Variants in CCDC85A observed in about 807,000 individuals in gnomAD.
The protein encoded by CCDC85A is coiled-coil domain containing 85A, also known as coiled-coil domain-containing protein 85A.
Under a neutral mutation model 50.2 loss-of-function variants are expected in CCDC85A, and 38 were observed. That is an observed-to-expected ratio of 0.76 (90% CI 0.58 to 0.99). The LOEUF is 0.99. Ranked by LOEUF, CCDC85A falls within the 50% of genes least tolerant of loss-of-function variation. The probability of loss-of-function intolerance (pLI) is 0.00; values close to 1 mark genes in which losing one functional copy is unlikely to be tolerated. For synonymous variants in CCDC85A, 366 were observed against 301.4 expected, an observed-to-expected ratio of 1.21 and a Z score of -2.22; for missense variants, 820 against 742.0, an observed-to-expected ratio of 1.11 and a Z score of -1.22.
At chr2:56,183,933 G>C (rs1297049720), upstream of CCDC85A, 13 of 985,296 alleles carry the variant, frequency 1.3e-5, no homozygotes, top group African/African-American at 1.7e-5. Context: ...GCTGCTGCGG[G>C]TTACGGGTGG....
At chr2:56,307,349 G>A (rs1672490496) in intron 2 of CCDC85A, among the ~76,000 whole-genome samples, 1 of 151,914 alleles carries the variant, frequency 6.6e-6, no homozygotes, top group Admixed American at 6.6e-5. Context: ...AAAAAAAACT[G>A]TGTTCAAGTC....
chr2:56,291,792 T>C (rs964569565), intron 2 of CCDC85A, among the ~76,000 whole-genome samples: 1 of 94,264 alleles, frequency 1.1e-5, no homozygotes, highest in African/African-American at 4.1e-5. Context: ...TTTTTTTTTT[T>C]AGACTTTTAG....
At chr2:56,291,972 G>C (rs906726289) in intron 2 of CCDC85A, among the ~76,000 whole-genome samples, 13 of 152,152 alleles carry the variant, frequency 8.5e-5, no homozygotes, top group Non-Finnish European at 1.2e-4. Flanking sequence ...TAAAGAGACA[G>C]ATGGAGGGGA....
At chr2:56,291,449 G>A (rs1243057888) in intron 2 of CCDC85A, among the ~76,000 whole-genome samples, 1 of 152,210 alleles carries the variant, frequency 6.6e-6, no homozygotes, top group Admixed American at 6.5e-5. Flanking sequence ...AGTGACAGTG[G>A]CTGCAGAGAA....
At chr2:56,238,714 T>A (rs949604187) in intron 2 of CCDC85A, among the ~76,000 whole-genome samples, 1 of 152,118 alleles carries the variant, frequency 6.6e-6, no homozygotes, top group Non-Finnish European at 1.5e-5. Context: ...TGCCAAGGAA[T>A]TGATCATTTT....
intron 2 of CCDC85A, among the ~76,000 whole-genome samples, chr2:56,261,578 A>G (rs1670220941): frequency 6.6e-6 from 1 of 152,184 alleles, no homozygotes; most frequent in African/African-American, 2.4e-5. Context: ...TGAACATCCA[A>G]TATATGCAAA....
chr2:56,302,149 G>A (rs1399320933), intron 2 of CCDC85A, among the ~76,000 whole-genome samples: 1 of 151,988 alleles, frequency 6.6e-6, no homozygotes, highest in African/African-American at 2.4e-5. Context: ...CCAGCTAATC[G>A]GGAGGCTGAG....
At chr2:56,273,814 A>C (rs1670804643) in intron 2 of CCDC85A, among the ~76,000 whole-genome samples, 1 of 152,054 alleles carries the variant, frequency 6.6e-6, no homozygotes, top group African/African-American at 2.4e-5. Flanking sequence ...GAGTCTAGAA[A>C]AAAATGGAGT....
intron 1 of CCDC85A, among the ~76,000 whole-genome samples, chr2:56,186,184 A>G (rs1387908143): frequency 6.6e-6 from 1 of 152,212 alleles, no homozygotes; most frequent in Non-Finnish European, 1.5e-5. Flanking sequence ...CTCCAGTCAG[A>G]AAAATGCCAA....
intron 5 of CCDC85A, among the ~76,000 whole-genome samples, chr2:56,376,697 C>A (rs1016690569): frequency 1.3e-5 from 2 of 152,258 alleles, no homozygotes; most frequent in Admixed American, 1.3e-4. Flanking sequence ...TGATAAAAAT[C>A]ATCTTACAAA....
chr2:56,328,838 A>G (rs191950777), intron 2 of CCDC85A, among the ~76,000 whole-genome samples: 13 of 152,034 alleles, frequency 8.6e-5, no homozygotes, highest in Non-Finnish European at 1.9e-4. Context: ...ACCCACAGTC[A>G]TCTCTCAGTC....
intron 2 of CCDC85A, among the ~76,000 whole-genome samples, chr2:56,245,320 G>A (rs907792981): frequency 3.3e-4 from 50 of 152,188 alleles, no homozygotes; most frequent in African/African-American, 1.2e-3. Flanking sequence ...GCTGAATTCT[G>A]CCCAGTGTTG....
chr2:56,289,239 T>C (rs1020687287), intron 2 of CCDC85A, among the ~76,000 whole-genome samples: 5 of 152,248 alleles, frequency 3.3e-5, no homozygotes, highest in African/African-American at 1.2e-4. Flanking sequence ...TTAATGTATT[T>C]ATTTATTCTA....
chr2:56,237,980 A>G (rs1239238705), intron 2 of CCDC85A, among the ~76,000 whole-genome samples: 1 of 152,168 alleles, frequency 6.6e-6, no homozygotes, highest in African/African-American at 2.4e-5. Flanking sequence ...TACAGAGTTG[A>G]AAGCTCAGGG....
chr2:56,361,088 C>T (rs180849664), intron 3 of CCDC85A, among the ~76,000 whole-genome samples: 6 of 152,226 alleles, frequency 3.9e-5, no homozygotes, highest in African/African-American at 1.4e-4. Context: ...CCCATCTCTA[C>T]TAAAAATGCA....
chr2:56,374,168 G>T (rs1676218358), intron 4 of CCDC85A, among the ~76,000 whole-genome samples: 2 of 152,114 alleles, frequency 1.3e-5, no homozygotes, highest in Admixed American at 6.6e-5. Context: ...AGCAATGGAG[G>T]ACAGAAACTG....
chr2:56,348,261 C>T (rs556407285), intron 3 of CCDC85A, among the ~76,000 whole-genome samples: 15 of 152,254 alleles, frequency 9.9e-5, no homozygotes, highest in Middle Eastern at 3.4e-3. Context: ...CAGAGACCCT[C>T]CCCAGAACAA....
Position 56,184,064 on chromosome 2 carries a change from C to A in CCDC85A, c.-561C>A, listed in dbSNP as rs1675878017. ...GCGGCCGCGGGCGCAGCGAAGGCGG[C>A]AGGAGGAGCGCAGCAGCCTTCGGGC... On this transcript the variant is annotated 5_prime_UTR_variant, in exon 1 of 6. Transcript: ENST00000407595. The A allele has an allele frequency of 1.0e-6, 1 of 985,284 alleles. No homozygotes were observed. Among genetic ancestry groups the A allele is most frequent in the Non-Finnish European group, 1.2e-6 (1 of 830,012 alleles). The allele number at this position is 985,284 out of a possible 1,614,324, so 61.0% of individuals were successfully genotyped here.
intron 2 of CCDC85A, among the ~76,000 whole-genome samples, chr2:56,254,421 C>G (rs1212745023): frequency 6.6e-6 from 1 of 151,908 alleles, no homozygotes; most frequent in Non-Finnish European, 1.5e-5. Flanking sequence ...ACATTTATTC[C>G]TATATCAGTC....
Sources: gnomAD v4.1 joint callset for allele counts (sites outside exome capture counted in the v4.1 genomes callset) on GRCh38, gnomAD v4.1.1 for gene constraint, MANE v1.5 for transcripts, NCBI Gene and HGNC (gene_info 2026-07-23, HGNC 2026-07-21) for gene names.